Variants in LSS observed in about 807,000 individuals in gnomAD.
The protein encoded by LSS is 2,3-epoxysqualene-lanosterol cyclase.
In LSS, 90 loss-of-function variants were observed where a neutral mutation model predicts 110.3. The observed-to-expected ratio is 0.82, with a 90% confidence interval of 0.69 to 0.97. The LOEUF (loss-of-function observed/expected upper bound fraction) is 0.97. LSS is among the 50% of genes least tolerant of loss of function. The pLI is 0.00. For synonymous variants in LSS, 433 were observed against 400.0 expected (o/e 1.08, Z -0.98); for missense variants, 927 against 990.0 (o/e 0.94, Z 0.85).
chr21:46,212,452 G>A (rs542811077), intron 11 of LSS, among the ~76,000 whole-genome samples: 66 of 152,316 alleles, frequency 4.3e-4, no homozygotes, highest in Middle Eastern at 3.4e-3. Flanking sequence ...CAGCCCAGTC[G>A]GACAGGACTG....
intron 10 of LSS, among the ~76,000 whole-genome samples, chr21:46,213,346 C>T (rs907192642): frequency 3.3e-5 from 5 of 152,248 alleles, no homozygotes; most frequent in African/African-American, 1.2e-4. Flanking sequence ...GCTGAGGCAC[C>T]AGAGGAAGAG....
At chr21:46,191,835 G>A (rs2079819832) in intron 21 of LSS, 46 bp downstream of exon 21, 1 of 1,513,846 alleles carries the variant, frequency 6.6e-7, no homozygotes, top group Non-Finnish European at 9.1e-7. Context: ...CATGCACGCT[G>A]GAGGTCAGTG....
At position 46,223,919 on chromosome 21, in the gene LSS, C is replaced by T. The variant is rs192873340; in HGVS notation, c.320-1181G>A. 3.6e-3 allele frequency among the ~76,000 whole-genome samples: 547 copies of T among 152,224 alleles called. 6 individuals carry two copies. Among genetic ancestry groups the T allele is most frequent in the Admixed American group, 5.7e-3 (87 of 15,298 alleles). ...GAACAACACCCGCTACTTAGCAGAC[C>T]GGGAAAGGGAGGCTCCCTTTCCCCG... On this transcript the variant is annotated intron_variant, in intron 3 of 21. Coordinates refer to ENST00000397728, the MANE Select transcript of LSS (RefSeq NM_002340.6).
chr21:46,196,481 G>C (rs533925044), intron 17 of LSS: 1 of 560,972 alleles, frequency 1.8e-6, no homozygotes, highest in Non-Finnish European at 3.2e-6. Context: ...AGAAAGGGAC[G>C]TGAGGGGAAA....
At chr21:46,199,905 A>T (rs529960495) in intron 17 of LSS, among the ~76,000 whole-genome samples, 56 of 152,214 alleles carry the variant, frequency 3.7e-4, no homozygotes, top group Non-Finnish European at 7.3e-4. Flanking sequence ...AGAATGAACA[A>T]CATGAAGAGG....
At position 46,209,445 on chromosome 21, in the gene LSS, G is replaced by A. The variant is rs1355522803; in HGVS notation, c.1266+109C>T. 4 of 991,554 alleles carry A rather than the reference G, an allele frequency of 4.0e-6. No individual in the cohort carries two copies. The Admixed American group carries it at 7.4e-5, about 18-fold the overall frequency. 61.4% of individuals were successfully genotyped at this position (991,554 alleles called of 1,614,324 possible). ...AGGGTGGGGGTGACCTGAAACACCA[G>A]TGCAGGAAATAGGGCAGGGTGGAGG... On this transcript the variant is annotated intron_variant, in intron 13 of 21. Transcript: ENST00000397728. The surrounding 1 kb of genome is among the most constrained non-coding windows in gnomAD (Gnocchi z 4.4).
At position 46,191,141 on chromosome 21, in the gene LSS, TGGGAGAAGCGGCC is replaced by T. The variant is rs747990816; in HGVS notation, c.2149_2161del (p.Gly717SerfsTer40). On this transcript the variant is annotated frameshift_variant, in exon 22 of 22. Coordinates refer to ENST00000397728, the MANE Select transcript of LSS (RefSeq NM_002340.6). LOFTEE classifies it high-confidence loss of function. The stretch of plus-strand genomic sequence containing the variant: ...AGCAAGGGCTCTCTCAGGGTACAGC[TGGGAGAAGCGGCC>T]GAGGGCCCAGATGGGGAAGATGTTC... The T allele has an allele frequency of 5.8e-5, 93 of 1,614,044 alleles. No homozygotes were observed. Among genetic ancestry groups the T allele is most frequent in the Non-Finnish European group, 7.5e-5 (89 of 1,180,036 alleles).
At chr21:46,225,290 A>C (rs1270171647) in intron 3 of LSS, 2 of 405,482 alleles carry the variant, frequency 4.9e-6, no homozygotes, top group African/African-American at 2.1e-5. Context: ...CAAGAGTGAG[A>C]GCCTTCTGTT....
chr21:46,221,548 A>C (rs2080279432), intron 5 of LSS, among the ~76,000 whole-genome samples: 1 of 152,144 alleles, frequency 6.6e-6, no homozygotes, highest in Non-Finnish European at 1.5e-5. Flanking sequence ...TGTAGAGACC[A>C]GGTCTCACTA....
intron 11 of LSS, 28 bp downstream of exon 11, chr21:46,212,997 C>T: frequency 6.2e-7 from 1 of 1,613,736 alleles, no homozygotes. Flanking sequence ...GCAAAGGAAG[C>T]ATGCAGCCGC....
At chr21:46,199,754 A>G (rs1282196845) in intron 17 of LSS, among the ~76,000 whole-genome samples, 1 of 152,244 alleles carries the variant, frequency 6.6e-6, no homozygotes, top group Non-Finnish European at 1.5e-5. Context: ...CTGAAAAGGC[A>G]AAACTATGGA....
intron 11 of LSS, among the ~76,000 whole-genome samples, chr21:46,211,314 A>G (rs1031292900): frequency 4.6e-5 from 7 of 152,098 alleles, no homozygotes; most frequent in African/African-American, 1.4e-4. Flanking sequence ...ATTTTTTAGT[A>G]GCATCGGGGT....
At chr21:46,204,838 C>T (rs962514165) in intron 17 of LSS, among the ~76,000 whole-genome samples, 3 of 151,952 alleles carry the variant, frequency 2.0e-5, no homozygotes, top group South Asian at 2.1e-4. Context: ...AACAGGAAAA[C>T]CTGACAAAAA....
intron 2 of LSS, 37 bp from the exon 3 acceptor site, chr21:46,227,727 G>T: frequency 6.2e-7 from 1 of 1,608,700 alleles, no homozygotes. Context: ...AGAGATAGCT[G>T]ACGGGACTGT....
At chr21:46,215,566 G>T in intron 8 of LSS, 119 bp downstream of exon 8, 1 of 711,638 alleles carries the variant, frequency 1.4e-6, no homozygotes, top group Non-Finnish European at 2.3e-6. Flanking sequence ...CCCGCCCCCT[G>T]GGGCCTGGCA....
At position 46,194,498 on chromosome 21, in the gene LSS, C is replaced by T; in HGVS notation, c.1981G>A (p.Ala661Thr). The part of the protein sequence containing the change: ...NTCWAMMGLM[A>T]VRHPDIEAQE... ...CGGTCCCGTCGTCCCCACCGAACGG[C>T]CATCAGCCCCATCATGGCCCAGCAT... The change falls in exon 20 of 22, where the codon GCC (alanine) becomes ACC (threonine). Residue 661 changes from alanine to threonine, a missense_variant. By Grantham distance (58) the Ala-to-Thr change is moderately conservative. Coordinates refer to ENST00000397728, the MANE Select transcript of LSS (RefSeq NM_002340.6). 1 of 1,613,628 alleles carries T rather than the reference C, an allele frequency of 6.2e-7. No homozygotes were observed. Among genetic ancestry groups the T allele is most frequent in the Non-Finnish European group, 8.5e-7 (1 of 1,180,016 alleles).
rs2080154312 is a variant in LSS, at chr21:46,213,053, C to T, written c.1110-1G>A. On this transcript the variant is annotated splice_acceptor_variant, in intron 10 of 21. Transcript: ENST00000397728. LOFTEE classifies it high-confidence loss of function. ...CATTTTCATGCCGTCAAGGCCCATC[C>T]TGTGAGGAGAAAAAAGCCCAAGTCA... The T allele has an allele frequency of 6.2e-7, 1 of 1,613,640 alleles. No individual in the cohort carries two copies. The highest frequency in any genetic ancestry group is 1.3e-5 in the African/African-American group (1 of 74,938).
rs189726673 is a variant in LSS at position 46,214,439 on chromosome 21, G to C, written c.1012-604C>G. On this transcript the variant is annotated intron_variant, in intron 9 of 21. Transcript: ENST00000397728. ...AAGGGACCCGCTGCAGGGTCAGTCAGGATTTGTGATCCACTGAGGTGGCAT... is the reference window on the plus strand; with the variant it reads ...AAGGGACCCGCTGCAGGGTCAGTCACGATTTGTGATCCACTGAGGTGGCAT... Among the ~76,000 whole-genome samples the C allele has an allele frequency of 2.7e-4, 41 of 152,364 alleles. No homozygotes were observed. In the East Asian group the frequency reaches 7.1e-3, roughly 26 times the overall value.
At chr21:46,222,005 GGTATCT>G in intron 4 of LSS, 30 bp from the exon 5 acceptor site, 1 of 1,612,778 alleles carries the variant, frequency 6.2e-7, no homozygotes, top group Non-Finnish European at 8.5e-7. Context: ...GTGAGAAACC[GGTATCT>G]GTCCTTACTT....
Sources: gnomAD v4.1 joint callset for allele counts (sites outside exome capture counted in the v4.1 genomes callset) on GRCh38, gnomAD v4.1.1 for gene constraint, Gnocchi (gnomAD v3.1) non-coding constraint, MANE v1.5 for transcripts, NCBI Gene and HGNC (gene_info 2026-07-23, HGNC 2026-07-21) for gene names.